Variants in MOXD1 observed in about 807,000 individuals in gnomAD.
MOXD1 encodes the protein DBH-like monooxygenase protein 1.
MOXD1 carries 62 observed loss-of-function variants against 66.6 expected under a neutral mutation model. That is an observed-to-expected ratio of 0.93 (90% CI 0.76 to 1.15). The LOEUF (loss-of-function observed/expected upper bound fraction) is 1.15. MOXD1 is among the 50% of genes most tolerant of loss of function. MOXD1 has a pLI of 0.00. For missense variants in MOXD1, 847 were observed against 754.6 expected (o/e 1.12, Z -1.44); for synonymous variants, 303 against 281.9 (o/e 1.07, Z -0.75).
intron 10 of MOXD1, among the ~76,000 whole-genome samples, chr6:132,298,402 A>C (rs543088018): frequency 6.6e-6 from 1 of 152,278 alleles, no homozygotes; most frequent in Admixed American, 6.5e-5. Flanking sequence ...GTTCTAGTTA[A>C]AAAATTAACT....
chr6:132,392,024 T>C (rs1276851068), intron 1 of MOXD1: 2 of 671,134 alleles, frequency 3.0e-6, no homozygotes, highest in Admixed American at 3.3e-5. Flanking sequence ...CTTATAAATA[T>C]CTCTTAACAA....
intron 10 of MOXD1, among the ~76,000 whole-genome samples, chr6:132,306,913 A>G (rs561224102): frequency 6.6e-6 from 1 of 152,352 alleles, no homozygotes; most frequent in South Asian, 2.1e-4. Context: ...AAAACATACC[A>G]AATTGTAAAG....
At chr6:132,370,952 C>T (rs528650943) in intron 4 of MOXD1, among the ~76,000 whole-genome samples, 39 of 152,196 alleles carry the variant, frequency 2.6e-4, no homozygotes, top group Middle Eastern at 3.4e-3. Context: ...ATACACTGAC[C>T]TCCCTGAAAC....
intron 10 of MOXD1, among the ~76,000 whole-genome samples, chr6:132,303,673 C>CTGCATCTGGGAAAGCA (rs1774598321): frequency 1.4e-5 from 2 of 144,668 alleles, no homozygotes; most frequent in South Asian, 4.4e-4. Context: ...AATCCATGTT[C>CTGCATCTGGGAAAGCA]TGCATCTGGG....
intron 1 of MOXD1, among the ~76,000 whole-genome samples, chr6:132,385,134 A>G (rs1776599977): frequency 6.6e-6 from 1 of 152,178 alleles, no homozygotes; most frequent in Non-Finnish European, 1.5e-5. Flanking sequence ...TTTTGACTGG[A>G]GCTAAAGCTA....
Position 132,296,998 on chromosome 6 carries a change from C to T in MOXD1, c.*155G>A. The stretch of plus-strand genomic sequence containing the variant: ...AAAGAGAAGAGAACCTGATTGATGT[C>T]TCTCATGTAACATGGAAAGGAAAAA... On this transcript the variant is annotated 3_prime_UTR_variant, in exon 12 of 12. Transcript: ENST00000367963. 1 of 623,408 alleles carries T rather than the reference C, an allele frequency of 1.6e-6. No homozygotes were observed. Among genetic ancestry groups the T allele is most frequent in the Non-Finnish European group, 2.7e-6 (1 of 371,048 alleles). The allele number at this position is 623,408 out of a possible 1,614,324, so 38.6% of individuals were successfully genotyped here. A position where few individuals can be genotyped will look rare whatever the true frequency, so the allele number is the denominator to read the frequency against.
Position 132,374,699 on chromosome 6 carries a change from T to A in MOXD1, c.343A>T (p.Ser115Cys). Reference protein sequence around the residue: ...DYHLEYAMENSTHTIIEFTRE... With the variant: ...DYHLEYAMENCTHTIIEFTRE... ...GTAAATTCAATTATTGTGTGTGTGC[T>A]ATTTTCCATGGCATATTCTAGATGG... is the stretch of plus-strand genomic sequence containing the variant. Residue 115 changes from serine (S) to cysteine (C), a missense_variant, in exon 2 of 12, where the codon AGC becomes TGC. By Grantham distance (112) the Ser-to-Cys change is moderately radical (BLOSUM62 -1). Transcript: ENST00000367963. The A allele has an allele frequency of 6.2e-7, 1 of 1,613,994 alleles. No individual in the cohort carries two copies. The highest frequency in any genetic ancestry group is 8.5e-7 in the Non-Finnish European group (1 of 1,179,898).
chr6:132,385,879 G>A (rs1009317911), intron 1 of MOXD1, among the ~76,000 whole-genome samples: 5 of 151,998 alleles, frequency 3.3e-5, no homozygotes, highest in South Asian at 2.1e-4. Context: ...TGAGGCGGGC[G>A]GATCACGAGG....
Position 132,382,726 on chromosome 6 carries a change from T to C in MOXD1, c.265-7949A>G, listed in dbSNP as rs192873876. Among the ~76,000 whole-genome samples the C allele has an allele frequency of 1.1e-3, 170 of 152,274 alleles. 1 individual carries two copies. Among genetic ancestry groups the C allele is most frequent in the Middle Eastern group, 0.01 (3 of 294 alleles). On this transcript the variant is annotated intron_variant, in intron 1 of 11. Transcript: ENST00000367963. ...ATATATACTTGAGGTTTCAAAATGC[T>C]ATGTAGCAACAATAACAGAAATTGC... is the stretch of plus-strand genomic sequence containing the variant.
intron 4 of MOXD1, among the ~76,000 whole-genome samples, chr6:132,364,890 T>C (rs1776088538): frequency 6.6e-6 from 1 of 152,138 alleles, no homozygotes. Flanking sequence ...TCCACACTAG[T>C]AGGCTGAGGA....
chr6:132,325,294 T>G (rs557888602), intron 6 of MOXD1: 1 of 152,364 alleles, frequency 6.6e-6, no homozygotes, highest in South Asian at 2.1e-4. Context: ...CTCTGCTGCA[T>G]ATGAGTTATG....
At chr6:132,339,418 T>G (rs1246329527) in intron 4 of MOXD1, among the ~76,000 whole-genome samples, 8 of 152,220 alleles carry the variant, frequency 5.3e-5, no homozygotes. Flanking sequence ...TACTATGTGC[T>G]CTTCGTTAGG....
chr6:132,380,881 T>C (rs1018158649), intron 1 of MOXD1, among the ~76,000 whole-genome samples: 5 of 152,140 alleles, frequency 3.3e-5, no homozygotes, highest in African/African-American at 1.2e-4. Flanking sequence ...GGCACTGAAA[T>C]CTGGGAATGT....
At chr6:132,346,260 A>C (rs1450379808) in intron 4 of MOXD1, among the ~76,000 whole-genome samples, 1 of 152,150 alleles carries the variant, frequency 6.6e-6, no homozygotes, top group Non-Finnish European at 1.5e-5. Context: ...TCTTTAAACT[A>C]ACTTCCTTTT....
chr6:132,322,967 A>C, intron 7 of MOXD1, 97 bp from the exon 8 acceptor site: 7 of 1,081,136 alleles, frequency 6.5e-6, no homozygotes, highest in Non-Finnish European at 9.1e-6. Context: ...TGAGATAAAA[A>C]GCTAAAGCAA....
In MOXD1 at chr6:132,351,298, A is replaced by G. The variant is rs117836198; in HGVS notation, c.663+21310T>C. On this transcript the variant is annotated intron_variant, in intron 4 of 11. Transcript: ENST00000367963. ...GGGTTTGTCGTAGATGGCTTTTATT[A>G]TATTGAGGTATGTTCCTTGTATGCC... Among the ~76,000 whole-genome samples, 1,025 of 152,184 alleles carry G rather than the reference A, an allele frequency of 6.7e-3. 5 individuals are homozygous for G. The highest frequency in any genetic ancestry group is 0.013 in the Non-Finnish European group (853 of 67,980).
intron 4 of MOXD1, among the ~76,000 whole-genome samples, chr6:132,347,031 A>T (rs1420806379): frequency 1.3e-5 from 2 of 152,224 alleles, no homozygotes; most frequent in Non-Finnish European, 2.9e-5. Context: ...AGGTGCTAAT[A>T]TACAATAATA....
At chr6:132,298,142 T>A (rs1569524) in intron 10 of MOXD1, among the ~76,000 whole-genome samples, 187 bp from the exon 11 acceptor site, 9,058 of 152,186 alleles carry the variant, frequency 0.06, 324 homozygotes, top group African/African-American at 0.077. Flanking sequence ...TTTTAAAGAA[T>A]GATATTTATT....
Position 132,321,134 on chromosome 6 carries a change from G to A in MOXD1, c.1306-446C>T, listed in dbSNP as rs149854357. 1.2e-3 allele frequency among the ~76,000 whole-genome samples: 182 copies of A among 152,076 alleles called. 1 individual carries two copies. The East Asian group carries it at 0.034, about 28-fold the overall frequency. On this transcript the variant is annotated intron_variant, in intron 8 of 11. Transcript: ENST00000367963. ...ACAAAAATTAGCCAGGCGTGGTTGC[G>A]GGCACCTTTAATTCCAGCTTCTCAG...
Sources: gnomAD v4.1 joint callset for allele counts (sites outside exome capture counted in the v4.1 genomes callset) on GRCh38, gnomAD v4.1.1 for gene constraint, MANE v1.5 for transcripts, NCBI Gene and HGNC (gene_info 2026-07-23, HGNC 2026-07-21) for gene names.